The following RPS6KA2 variants were observed in gnomAD, a reference collection of about 807,000 sequenced individuals.
RPS6KA2 encodes the protein ribosomal protein S6 kinase alpha-2.
Under a neutral mutation model 91.8 loss-of-function variants are expected in RPS6KA2, and 42 were observed. The observed-to-expected ratio is 0.46, with a 90% CI of 0.36 to 0.59. The LOEUF (loss-of-function observed/expected upper bound fraction) is 0.59. Among genes scored for constraint, RPS6KA2 ranks in the 20% least tolerant of loss-of-function variants. The pLI is 0.00. For synonymous variants in RPS6KA2, 414 were observed against 393.6 expected, an observed-to-expected ratio of 1.05 and a Z score of -0.61; for missense variants, 798 against 978.5, an observed-to-expected ratio of 0.82 and a Z score of 2.46.
Position 166,412,617 on chromosome 6 carries a change from A to G in RPS6KA2, c.*145T>C. On this transcript the variant is annotated 3_prime_UTR_variant, in exon 21 of 21. Transcript: ENST00000265678. This position sits in a 1 kb window ranked among gnomAD's most constrained non-coding sequence, Gnocchi z 4.3. ...CAGGTCAGGACCCTCTCCGGGGCTG[A>G]AAAAGAAAACACGGACACGGCGAGG... 2.4e-6 allele frequency: 2 copies of G among 822,524 alleles called. No individual in the cohort carries two copies. The highest frequency in any genetic ancestry group is 3.6e-6 in the Non-Finnish European group (2 of 553,154). 51.0% of individuals were successfully genotyped at this position (822,524 alleles called of 1,614,324 possible).
At chr6:166,824,825 CTG>C (rs57514422) in intron 2 of RPS6KA2, among the ~76,000 whole-genome samples, 26,505 of 144,442 alleles carry the variant, frequency 0.18, 2,504 homozygotes, top group Middle Eastern at 0.21. Flanking sequence ...CTGTGTGTGT[CTG>C]TGTGTGTGTG....
chr6:166,465,768 C>T (rs1382382877), intron 11 of RPS6KA2, among the ~76,000 whole-genome samples: 1 of 152,214 alleles, frequency 6.6e-6, no homozygotes, highest in African/African-American at 2.4e-5. Context: ...TATGGGACAG[C>T]AGACTCCTCA....
intron 2 of RPS6KA2, among the ~76,000 whole-genome samples, chr6:166,723,246 C>G (rs1028249210): frequency 6.6e-6 from 1 of 152,246 alleles, no homozygotes; most frequent in African/African-American, 2.4e-5. Flanking sequence ...TCAAGTCCCC[C>G]CTTCTGGAAA....
At position 166,852,957 on chromosome 6, in the gene RPS6KA2, T is replaced by C. The variant is rs6921573; in HGVS notation, c.123+5243A>G. ...TGCCCCCTCGCCCGGATACTTTCTA[T>C]TCTGCTATGAAAAACAGAGTAAAAT... On this transcript the variant is annotated intron_variant, in intron 2 of 21. Transcript: ENST00000503859. The surrounding 1 kb of genome is among the most constrained non-coding windows in gnomAD (Gnocchi z 4.1). Among the ~76,000 whole-genome samples the C allele has an allele frequency of 0.069, 10,473 of 152,190 alleles. 482 individuals carry two copies. The highest frequency in any genetic ancestry group is 0.16 in the South Asian group (785 of 4,800).
chr6:166,469,767 C>T, intron 11 of RPS6KA2, 74 bp downstream of exon 11: 2 of 1,338,776 alleles, frequency 1.5e-6, no homozygotes, highest in Non-Finnish European at 2.2e-6. Context: ...GGACCCTCTG[C>T]ACCAAGCCGT....
chr6:166,538,801 C>A lies in RPS6KA2; in HGVS notation c.100-17G>T, dbSNP rs779870488. ...GCCTTCTTCCTGCAAGAGAGCGGCA[C>A]GGGTGAGAAACACACCGCGAGGAGT... On this transcript the variant is annotated splice_polypyrimidine_tract_variant and intron_variant, in intron 1 of 20. Transcript: ENST00000265678. 1.4e-6 allele frequency: 2 copies of A among 1,421,750 alleles called. No individual in the cohort carries two copies. Among genetic ancestry groups the A allele is most frequent in the East Asian group, 2.3e-5 (1 of 43,692 alleles). The allele number at this position is 1,421,750 out of a possible 1,614,324, so 88.1% of individuals were successfully genotyped here. A position where few individuals can be genotyped will look rare whatever the true frequency, so the allele number is the denominator to read the frequency against.
chr6:166,774,444 G>A (rs1778561073), intron 2 of RPS6KA2, among the ~76,000 whole-genome samples: 1 of 152,148 alleles, frequency 6.6e-6, no homozygotes, highest in Non-Finnish European at 1.5e-5. Flanking sequence ...CCCAGCGAGC[G>A]TCCCGGCGTT....
intron 2 of RPS6KA2, among the ~76,000 whole-genome samples, chr6:166,777,607 A>G (rs956684866): frequency 6.6e-6 from 1 of 152,228 alleles, no homozygotes; most frequent in Non-Finnish European, 1.5e-5. Flanking sequence ...AAGTTATAAA[A>G]TCATAAAGAA....
intron 11 of RPS6KA2, among the ~76,000 whole-genome samples, chr6:166,466,181 T>A (rs946860909): frequency 3.9e-5 from 6 of 152,204 alleles, no homozygotes; most frequent in Admixed American, 2.6e-4. Context: ...AATGCCACCT[T>A]CTTGGGTTGT....
chr6:166,660,407 T>C (rs1001961863), intron 2 of RPS6KA2, among the ~76,000 whole-genome samples: 6 of 151,382 alleles, frequency 4.0e-5, no homozygotes, highest in African/African-American at 7.3e-5. Context: ...CGTGTGTGTG[T>C]GTGTGTGTGT....
chr6:166,544,922 C>A (rs1014572965), intron 1 of RPS6KA2, among the ~76,000 whole-genome samples: 1 of 152,112 alleles, frequency 6.6e-6, no homozygotes, highest in Non-Finnish European at 1.5e-5. Flanking sequence ...GAACGAGTAC[C>A]CTCAAGAATG....
intron 2 of RPS6KA2, among the ~76,000 whole-genome samples, chr6:166,827,452 T>C (rs1243216136): frequency 6.6e-6 from 1 of 152,192 alleles, no homozygotes; most frequent in African/African-American, 2.4e-5. Context: ...CCTCATTTTT[T>C]TCTTTAAACA....
chr6:166,783,749 T>C (rs887410534), intron 2 of RPS6KA2, among the ~76,000 whole-genome samples: 1 of 150,460 alleles, frequency 6.6e-6, no homozygotes, highest in Admixed American at 6.6e-5. Flanking sequence ...GACACCTATC[T>C]AAAACCACAT....
At chr6:166,548,123 A>T (rs539795034) in intron 1 of RPS6KA2, among the ~76,000 whole-genome samples, 81 of 152,374 alleles carry the variant, frequency 5.3e-4, no homozygotes, top group African/African-American at 1.9e-3. Context: ...CTCCAAAAAG[A>T]TGAAATACTT....
In RPS6KA2 at chr6:166,732,099, C is replaced by G. The variant is rs748709886; in HGVS notation, c.123+126101G>C. On this transcript the variant is annotated intron_variant, in intron 2 of 21. Transcript: ENST00000503859. The surrounding 1 kb of genome is among the most constrained non-coding windows in gnomAD (Gnocchi z 4.0). ...AAACTGGAATACCTTTTCCAGAGAC[C>G]TTAATTCCTTTTTCTTTTCCTTTTT... Among the ~76,000 whole-genome samples the G allele has an allele frequency of 2.6e-5, 4 of 151,768 alleles. No homozygotes were observed. Among genetic ancestry groups the G allele is most frequent in the Non-Finnish European group, 5.9e-5 (4 of 67,998 alleles).
In RPS6KA2 at chr6:166,662,413, C is replaced by T. The variant is rs911041814; in HGVS notation, c.124-123629G>A. The stretch of plus-strand genomic sequence containing the variant: ...AGGTATGAAAACTTACTCCAAATTA[C>T]AGACACTTTAGATATCTGCTTTCTT... On this transcript the variant is annotated intron_variant, in intron 2 of 21. Transcript: ENST00000503859. The surrounding 1 kb of genome is among the most constrained non-coding windows in gnomAD (Gnocchi z 4.3). Among the ~76,000 whole-genome samples the T allele has an allele frequency of 2.6e-5, 4 of 152,188 alleles. No individual in the cohort carries two copies. Among genetic ancestry groups the T allele is most frequent in the Non-Finnish European group, 5.9e-5 (4 of 68,044 alleles).
intron 10 of RPS6KA2, among the ~76,000 whole-genome samples, chr6:166,483,269 G>C (rs1781296947): frequency 6.6e-6 from 1 of 152,216 alleles, no homozygotes; most frequent in Admixed American, 6.5e-5. Context: ...GAGGGACAGG[G>C]CCCATGGCTG....
chr6:166,745,152 T>C (rs1397300438), intron 2 of RPS6KA2, among the ~76,000 whole-genome samples: 3 of 146,788 alleles, frequency 2.0e-5, no homozygotes, highest in East Asian at 2.0e-4. Context: ...ATCGGCCTTT[T>C]TTTTTTTTTT....
intron 3 of RPS6KA2, among the ~76,000 whole-genome samples, chr6:166,527,869 T>C (rs11962691): frequency 0.2 from 29,812 of 152,170 alleles, 3,103 homozygotes; most frequent in African/African-American, 0.26. Context: ...CATGTTGGAG[T>C]GGGCACCAGT....
Sources: gnomAD v4.1 joint callset for allele counts (sites outside exome capture counted in the v4.1 genomes callset) on GRCh38, gnomAD v4.1.1 for gene constraint, Gnocchi (gnomAD v3.1) non-coding constraint, MANE v1.5 for transcripts, NCBI Gene and HGNC (gene_info 2026-07-23, HGNC 2026-07-21) for gene names.